The following SLC16A7 variants were observed in gnomAD, a reference collection of about 807,000 sequenced individuals.
SLC16A7 encodes the protein solute carrier family 16 member 7.
SLC16A7 carries 33 observed loss-of-function variants against 34.9 expected under a neutral mutation model. The ratio of observed to expected loss-of-function variants is 0.94; its 90% CI spans 0.72 to 1.26. The LOEUF is 1.26. SLC16A7 is among the 50% of genes most tolerant of loss of function. SLC16A7 has a pLI of 0.00. For synonymous variants in SLC16A7, 201 were observed against 206.6 expected (o/e 0.97, Z 0.23); for missense variants, 573 against 578.1 (o/e 0.99, Z 0.09).
intron 2 of SLC16A7, among the ~76,000 whole-genome samples, chr12:59,666,825 A>G (rs1869244811): frequency 6.6e-6 from 1 of 152,216 alleles, no homozygotes; most frequent in African/African-American, 2.4e-5. Context: ...TGGTGCTGAA[A>G]GAGTGGGGTG....
At position 59,768,124 on chromosome 12, in the gene SLC16A7, A is replaced by T. The variant is rs1222379872; in HGVS notation, c.218-3095A>T. On this transcript the variant is annotated intron_variant, in intron 3 of 5. Coordinates refer to ENST00000547379, the MANE Select transcript of SLC16A7 (RefSeq NM_001270623.2). ...ATTTAAATACATTTTGTAAGCTTAC[A>T]GCTGCCGTACATAATGACTCCTCTG... 2.0e-5 allele frequency: 9 copies of T among 453,332 alleles called. No homozygotes were observed. The Admixed American group carries it at 2.1e-4, about 11-fold the overall frequency. 28.1% of individuals were successfully genotyped at this position (453,332 alleles called of 1,614,324 possible).
chr12:59,602,037 A>G (rs1462405594), intron 1 of SLC16A7, among the ~76,000 whole-genome samples: 4 of 152,210 alleles, frequency 2.6e-5, no homozygotes, highest in South Asian at 2.1e-4. Flanking sequence ...ACATTTTAAT[A>G]TACCTGTGGT....
In SLC16A7 at chr12:59,704,756, C is replaced by A; in HGVS notation, c.-30-16C>A. 7.7e-7 allele frequency: 1 copy of A among 1,305,076 alleles called. No individual in the cohort carries two copies. Among genetic ancestry groups the A allele is most frequent in the Non-Finnish European group, 1.1e-6 (1 of 922,744 alleles). 80.8% of individuals were successfully genotyped at this position (1,305,076 alleles called of 1,614,324 possible). ...GGAAATAAAATTTAAACTGTTATTTCATTATTTTAATATAGGTTACTTGAA... is the reference window on the plus strand; with the variant it reads ...GGAAATAAAATTTAAACTGTTATTTAATTATTTTAATATAGGTTACTTGAA... On this transcript the variant is annotated splice_polypyrimidine_tract_variant and intron_variant, in intron 2 of 5. Transcript: ENST00000547379.
At chr12:59,761,265 T>C (rs1880985477) in intron 3 of SLC16A7, 2 of 696,152 alleles carry the variant, frequency 2.9e-6, no homozygotes, top group Non-Finnish European at 4.3e-6. Flanking sequence ...TTTCATCTTC[T>C]GTTTTAGAAG....
chr12:59,762,406 T>A (rs1259194640), intron 3 of SLC16A7, among the ~76,000 whole-genome samples: 2 of 151,986 alleles, frequency 1.3e-5, no homozygotes, highest in African/African-American at 4.8e-5. Flanking sequence ...TATGACACAT[T>A]GTGAATTGAA....
At chr12:59,704,199 C>CAAAAAAAAAAAAAAAAAAAAAAAAAAAAA (rs34021022) in intron 2 of SLC16A7, among the ~76,000 whole-genome samples, 2 of 51,614 alleles carry the variant, frequency 3.9e-5, no homozygotes, top group Non-Finnish European at 8.2e-5. Context: ...GACTCTGTCT[C>CAAAAAAAAAAAAAAAAAAAAAAAAAAAAA]AAAAAAAAAA....
intron 3 of SLC16A7, among the ~76,000 whole-genome samples, chr12:59,745,800 G>A (rs2711652): frequency 0.12 from 18,660 of 152,170 alleles, 1,494 homozygotes; most frequent in African/African-American, 0.22. Flanking sequence ...TGAAAGCACT[G>A]GAAGACTAGG....
intron 2 of SLC16A7, among the ~76,000 whole-genome samples, chr12:59,699,760 A>G (rs1403491460): frequency 6.6e-6 from 1 of 151,790 alleles, no homozygotes; most frequent in Non-Finnish European, 1.5e-5. Context: ...GAAATTTGTG[A>G]TTCACAGCAC....
chr12:59,703,813 GGTTAT>G (rs1873172930), intron 2 of SLC16A7, among the ~76,000 whole-genome samples: 1 of 151,968 alleles, frequency 6.6e-6, no homozygotes, highest in Non-Finnish European at 1.5e-5. Context: ...ATGAGGCAAG[GGTTAT>G]GTTAATTAGG....
chr12:59,752,586 C>T (rs1879717065), intron 3 of SLC16A7, among the ~76,000 whole-genome samples: 1 of 151,718 alleles, frequency 6.6e-6, no homozygotes, highest in Non-Finnish European at 1.5e-5. Context: ...GCAAAGCCTC[C>T]AAGAAATATG....
Position 59,769,549 on chromosome 12 carries a change from A to G in SLC16A7, c.218-1670A>G, listed in dbSNP as rs570621612. Among the ~76,000 whole-genome samples, 7 of 152,220 alleles carry G rather than the reference A, an allele frequency of 4.6e-5. No homozygotes were observed. The East Asian group carries it at 1.2e-3, about 25-fold the overall frequency. On this transcript the variant is annotated intron_variant, in intron 3 of 5. Coordinates refer to ENST00000547379, the MANE Select transcript of SLC16A7 (RefSeq NM_001270623.2). ...AGTTTTATGTTGCTTGCTATTATAAATGCAAACTTTTGTATTCTGTGTTTG... is the reference window on the plus strand; with the variant it reads ...AGTTTTATGTTGCTTGCTATTATAAGTGCAAACTTTTGTATTCTGTGTTTG...
intron 1 of SLC16A7, among the ~76,000 whole-genome samples, chr12:59,629,678 T>C (rs1006730316): frequency 2.6e-5 from 4 of 151,984 alleles, no homozygotes; most frequent in African/African-American, 9.7e-5. Context: ...CAGATTTTAT[T>C]GTCATTGCCA....
chr12:59,773,992 A>G (rs545509422), intron 4 of SLC16A7, among the ~76,000 whole-genome samples: 1 of 152,328 alleles, frequency 6.6e-6, no homozygotes, highest in East Asian at 1.9e-4. Context: ...AGACAGTGGG[A>G]CTTTGGCTCA....
intron 2 of SLC16A7, among the ~76,000 whole-genome samples, chr12:59,683,988 T>C (rs1870949127): frequency 6.6e-6 from 1 of 152,198 alleles, no homozygotes; most frequent in African/African-American, 2.4e-5. Context: ...AGCTCATCTT[T>C]AGGAAAGAAT....
chr12:59,764,781 C>T (rs535596086), intron 3 of SLC16A7, among the ~76,000 whole-genome samples: 7 of 151,960 alleles, frequency 4.6e-5, no homozygotes, highest in Admixed American at 1.3e-4. Context: ...TGAATAGTGC[C>T]GCAATAAACA....
intron 3 of SLC16A7, chr12:59,769,388 T>C (rs1009447880): frequency 3.3e-5 from 5 of 152,170 alleles, no homozygotes; most frequent in Non-Finnish European, 7.4e-5. Context: ...ATTTATTTTC[T>C]TCAGCTCTTC....
chr12:59,726,892 T>G lies in SLC16A7; in HGVS notation c.217+21874T>G, dbSNP rs1309505883. On this transcript the variant is annotated intron_variant, in intron 3 of 5. Coordinates refer to ENST00000547379, the MANE Select transcript of SLC16A7 (RefSeq NM_001270623.2). Reference sequence around the variant, plus strand: ...GAAAATCAGATTGTCTAGAGATTTATGCTTTATGATCAATACATAATAGAT... The same window carrying G: ...GAAAATCAGATTGTCTAGAGATTTAGGCTTTATGATCAATACATAATAGAT... 2.0e-5 allele frequency among the ~76,000 whole-genome samples: 3 copies of G among 152,116 alleles called. No individual in the cohort carries two copies. The East Asian group carries it at 5.8e-4, about 29-fold the overall frequency.
chr12:59,726,521 C>T (rs1286938211), intron 3 of SLC16A7, among the ~76,000 whole-genome samples: 1 of 152,048 alleles, frequency 6.6e-6, no homozygotes, highest in African/African-American at 2.4e-5. Context: ...ATACAATCTT[C>T]GTTTTCTTAC....
intron 2 of SLC16A7, among the ~76,000 whole-genome samples, chr12:59,701,762 A>G (rs1435209329): frequency 6.6e-6 from 1 of 151,810 alleles, no homozygotes; most frequent in African/African-American, 2.4e-5. Context: ...ACAAATTATA[A>G]TATTTGTATT....
Sources: allele counts gnomAD v4.1 joint callset (sites outside exome capture counted in the v4.1 genomes callset), GRCh38; gene constraint gnomAD v4.1.1; transcripts MANE v1.5; gene names NCBI Gene and HGNC (gene_info 2026-07-23, HGNC 2026-07-21).